Variants in POU6F1 observed in about 807,000 individuals in gnomAD.
The protein encoded by POU6F1 is POU domain, class 6, transcription factor 1.
POU6F1 carries 9 observed loss-of-function variants against 28.9 expected under a neutral mutation model. The observed-to-expected ratio is 0.31, with a 90% CI of 0.19 to 0.54. The LOEUF is 0.54. POU6F1 is among the 20% of genes least tolerant of loss of function. The pLI, the probability that POU6F1 is intolerant of heterozygous loss-of-function variation, is 0.94. For synonymous variants in POU6F1, 173 were observed against 171.1 expected (o/e 1.01, Z -0.09); for missense variants, 338 against 426.1 (o/e 0.79, Z 1.82).
At chr12:51,200,184 G>A (rs931711121) in intron 3 of POU6F1, among the ~76,000 whole-genome samples, 1 of 152,210 alleles carries the variant, frequency 6.6e-6, no homozygotes, top group African/African-American at 2.4e-5. Flanking sequence ...TGTAAGGACT[G>A]TCACATCATC....
At chr12:51,197,283 A>C (rs1335155664) in intron 6 of POU6F1, among the ~76,000 whole-genome samples, 1 of 151,954 alleles carries the variant, frequency 6.6e-6, no homozygotes, top group East Asian at 1.9e-4. Context: ...AGGGGTCAGC[A>C]GGGAAGGGCA....
Position 51,190,099 on chromosome 12 carries a change from T to C in POU6F1, c.*148A>G, listed in dbSNP as rs550092818. 1.5e-6 allele frequency: 2 copies of C among 1,344,642 alleles called. No individual in the cohort carries two copies. Among genetic ancestry groups the C allele is most frequent in the Non-Finnish European group, 2.0e-6 (2 of 1,012,912 alleles). 83.3% of individuals were successfully genotyped at this position (1,344,642 alleles called of 1,614,324 possible). On this transcript the variant is annotated 3_prime_UTR_variant, in exon 11 of 11. Transcript: ENST00000333640. This position sits in a 1 kb window ranked among gnomAD's most constrained non-coding sequence, Gnocchi z 4.5. ...AGATGTGTGGGAGAAAAGAGGGACA[T>C]TGATGCACATGCACACGGTGGAGTC...
intron 1 of POU6F1, among the ~76,000 whole-genome samples, chr12:51,212,125 G>C (rs1408194751): frequency 6.6e-6 from 1 of 151,706 alleles, no homozygotes; most frequent in Non-Finnish European, 1.5e-5. Context: ...ACGGAGTCTG[G>C]CTCTGTCACC....
At chr12:51,213,387 A>C (rs1592206324) in intron 1 of POU6F1, among the ~76,000 whole-genome samples, 1 of 150,348 alleles carries the variant, frequency 6.7e-6, no homozygotes, top group East Asian at 2.0e-4. Flanking sequence ...TTTTATTATC[A>C]TTTTTTTTCA....
rs1472868599 is a variant in POU6F1, at chr12:51,190,244, G to A, written c.*3C>T. On this transcript the variant is annotated 3_prime_UTR_variant, in exon 11 of 11. Transcript: ENST00000333640. This position sits in a 1 kb window ranked among gnomAD's most constrained non-coding sequence, Gnocchi z 4.5. ...GCTAGAACACAGGGCCAGGGGCTGA[G>A]CCCTAAGGGATCTGAAAGACGTTCA... The A allele has an allele frequency of 1.2e-6, 2 of 1,613,838 alleles. No individual in the cohort carries two copies. Among genetic ancestry groups the A allele is most frequent in the Admixed American group, 3.3e-5 (2 of 60,006 alleles).
In POU6F1 at chr12:51,187,745, T is replaced by C. The variant is rs1942115732; in HGVS notation, c.*2502A>G. 6.6e-6 allele frequency: 1 copy of C among 152,182 alleles called. No individual in the cohort carries two copies. Among genetic ancestry groups the C allele is most frequent in the South Asian group, 2.1e-4 (1 of 4,824 alleles). 9.4% of individuals were successfully genotyped at this position (152,182 alleles called of 1,614,324 possible). On this transcript the variant is annotated 3_prime_UTR_variant, in exon 11 of 11. Coordinates refer to ENST00000333640, the MANE Select transcript of POU6F1 (RefSeq NM_001330422.2). The stretch of plus-strand genomic sequence containing the variant: ...TGAGAAAGCATGGCCAGGCCTAATT[T>C]AGACCAGTGGTTCATGATTGTTTTC...
chr12:51,191,531 A>C, intron 10 of POU6F1, 65 bp downstream of exon 10: 1 of 1,557,734 alleles, frequency 6.4e-7, no homozygotes, highest in South Asian at 1.2e-5. Context: ...TCAGGTTCCC[A>C]TGAGTGCCCG....
At position 51,187,670 on chromosome 12, in the gene POU6F1, G is replaced by C. The variant is rs1942110286; in HGVS notation, c.*2577C>G. ...CCATCATTCCAGCAGAGGAGAAATG[G>C]TTTAGTTTTAGCTCAGCTTTGGGAA... On this transcript the variant is annotated 3_prime_UTR_variant, in exon 11 of 11. Transcript: ENST00000333640. 6.6e-6 allele frequency: 1 copy of C among 152,208 alleles called. No homozygotes were observed. Among genetic ancestry groups the C allele is most frequent in the Non-Finnish European group, 1.5e-5 (1 of 68,030 alleles). The allele number at this position is 152,208 out of a possible 1,614,324, so 9.4% of individuals were successfully genotyped here. A position where few individuals can be genotyped will look rare whatever the true frequency, so the allele number is the denominator to read the frequency against.
chr12:51,216,624 G>T (rs79680464), intron 1 of POU6F1, among the ~76,000 whole-genome samples: 10,991 of 152,216 alleles, frequency 0.072, 611 homozygotes, highest in East Asian at 0.29. Context: ...GGAATATATG[G>T]AATTATTCCT....
intron 3 of POU6F1, among the ~76,000 whole-genome samples, chr12:51,203,934 C>T (rs1442488007): frequency 1.3e-5 from 2 of 152,194 alleles, no homozygotes; most frequent in East Asian, 1.9e-4. Context: ...CTCTTCCCAC[C>T]TCACCCTGAT....
intron 2 of POU6F1, among the ~76,000 whole-genome samples, chr12:51,205,018 C>T (rs1032549185): frequency 9.3e-5 from 14 of 151,270 alleles, no homozygotes; most frequent in South Asian, 6.3e-4. Context: ...TGCCTGGCAC[C>T]GCTCCTGGAC....
At chr12:51,198,364 G>A (rs925545974) in intron 5 of POU6F1, among the ~76,000 whole-genome samples, 186 bp downstream of exon 5, 2 of 152,214 alleles carry the variant, frequency 1.3e-5, no homozygotes, top group African/African-American at 2.4e-5. Flanking sequence ...CCAGCGTGGC[G>A]TCACGGCCTA....
rs780706685 is a variant in POU6F1, at chr12:51,192,471, C to T, written c.1180G>A (p.Val394Met). Residue 394 changes from valine (V) to methionine (M), a missense_variant and splice_region_variant, in exon 9 of 11, where the codon GTG (valine) becomes ATG (methionine). This residue lies in a region of POU6F1 where 206 missense variants were observed against 225.6 expected (regional missense o/e 0.91). Transcript: ENST00000333640. ...GTTGGTGTGGGCTGGATGGGCTGCA[C>T]CTGTGAAAGGACAGACAACAAGCCT... is the stretch of plus-strand genomic sequence containing the variant. Reference protein sequence around the residue: ...STPESPAKSEVQPIQPTPTVP... With the variant: ...STPESPAKSEMQPIQPTPTVP... 1 of 1,612,488 alleles carries T rather than the reference C, an allele frequency of 6.2e-7. No homozygotes were observed. The highest frequency in any genetic ancestry group is 8.5e-7 in the Non-Finnish European group (1 of 1,179,798).
chr12:51,188,393 C>G lies in POU6F1; in HGVS notation c.*1854G>C, dbSNP rs988875555. ...GGAGACTCTCTGTTGGAGACACGCTCTCCTGAAAAGCTGGGTCAGGCAAGC... is the reference window on the plus strand; with the variant it reads ...GGAGACTCTCTGTTGGAGACACGCTGTCCTGAAAAGCTGGGTCAGGCAAGC... On this transcript the variant is annotated 3_prime_UTR_variant, in exon 11 of 11. Coordinates refer to ENST00000333640, the MANE Select transcript of POU6F1 (RefSeq NM_001330422.2). The G allele has an allele frequency of 6.6e-6, 1 of 152,276 alleles. No homozygotes were observed. The highest frequency in any genetic ancestry group is 1.5e-5 in the Non-Finnish European group (1 of 68,070). The allele number at this position is 152,276 out of a possible 1,614,324, so 9.4% of individuals were successfully genotyped here.
chr12:51,205,216 A>G (rs1943505122), intron 2 of POU6F1, among the ~76,000 whole-genome samples: 1 of 150,248 alleles, frequency 6.7e-6, no homozygotes, highest in Non-Finnish European at 1.5e-5. Context: ...ATTTTTTTGT[A>G]TTTTTAGTAG....
At chr12:51,194,983 A>G (rs1412147302) in intron 8 of POU6F1, among the ~76,000 whole-genome samples, 1 of 152,210 alleles carries the variant, frequency 6.6e-6, no homozygotes, top group African/African-American at 2.4e-5. Context: ...TCTACTGAAT[A>G]AGAAACTCTG....
At chr12:51,210,284 G>A (rs866415558) in intron 1 of POU6F1, among the ~76,000 whole-genome samples, 2 of 152,184 alleles carry the variant, frequency 1.3e-5, no homozygotes, top group Non-Finnish European at 1.5e-5. Context: ...TATGAAAGTC[G>A]TTACACATAG....
In POU6F1 at chr12:51,188,375, C is replaced by T. The variant is rs1369560264; in HGVS notation, c.*1872G>A. 6.6e-6 allele frequency: 1 copy of T among 152,248 alleles called. No homozygotes were observed. The highest frequency in any genetic ancestry group is 2.4e-5 in the African/African-American group (1 of 41,456). 9.4% of individuals were successfully genotyped at this position (152,248 alleles called of 1,614,324 possible). On this transcript the variant is annotated 3_prime_UTR_variant, in exon 11 of 11. Transcript: ENST00000333640. ...AACCCTGAACTAGAGTGTGGAGACTCTCTGTTGGAGACACGCTCTCCTGAA... is the reference window on the plus strand; with the variant it reads ...AACCCTGAACTAGAGTGTGGAGACTTTCTGTTGGAGACACGCTCTCCTGAA...
chr12:51,191,549 C>A, intron 10 of POU6F1, 47 bp downstream of exon 10: 1 of 1,582,350 alleles, frequency 6.3e-7, no homozygotes, highest in African/African-American at 1.3e-5. Flanking sequence ...CCGGTGGCAC[C>A]AGGCAGCTGA....
Sources: gnomAD v4.1 joint callset for allele counts (sites outside exome capture counted in the v4.1 genomes callset) on GRCh38, gnomAD v4.1.1 for gene constraint, gnomAD v4.1.1 regional missense constraint, Gnocchi (gnomAD v3.1) non-coding constraint, MANE v1.5 for transcripts, NCBI Gene and HGNC (gene_info 2026-07-23, HGNC 2026-07-21) for gene names.